Variants in GAD2 observed in about 807,000 individuals in gnomAD.
GAD2 encodes 65 kDa glutamic acid decarboxylase.
A neutral mutation model predicts 80.1 loss-of-function variants in GAD2; 22 were observed. The observed-to-expected ratio is 0.27, with a 90% CI of 0.20 to 0.39. The LOEUF is 0.39. Among genes scored for constraint, GAD2 ranks in the 10% least tolerant of loss-of-function variants. The probability of loss-of-function intolerance (pLI) is 1.00; values close to 1 mark genes in which losing one functional copy is unlikely to be tolerated. For missense variants in GAD2, 624 were observed against 738.4 expected (o/e 0.85, Z 1.80); for synonymous variants, 274 against 256.9 (o/e 1.07, Z -0.64).
intron 8 of GAD2, among the ~76,000 whole-genome samples, chr10:26,260,605 G>A (rs191843135): frequency 6.6e-6 from 1 of 152,300 alleles, no homozygotes; most frequent in Admixed American, 6.5e-5. Context: ...TCCAGCGTGG[G>A]TGCCAGAGCA....
intron 15 of GAD2, among the ~76,000 whole-genome samples, chr10:26,295,144 C>G (rs1340048742): frequency 6.6e-6 from 1 of 152,112 alleles, no homozygotes; most frequent in Non-Finnish European, 1.5e-5. Flanking sequence ...TTAAATATCA[C>G]TCTTCAAATG....
chr10:26,256,500 C>T (rs1420787380), intron 8 of GAD2, among the ~76,000 whole-genome samples: 1 of 152,182 alleles, frequency 6.6e-6, no homozygotes, highest in African/African-American at 2.4e-5. Context: ...TCACACGTGG[C>T]ATTTAGTTGT....
intron 4 of GAD2, among the ~76,000 whole-genome samples, chr10:26,221,250 T>C (rs765388426): frequency 1.3e-5 from 2 of 152,234 alleles, no homozygotes; most frequent in Non-Finnish European, 2.9e-5. Context: ...AAGAGATTAT[T>C]TTATAAAATG....
chr10:26,266,000 G>A (rs144918592), intron 8 of GAD2, among the ~76,000 whole-genome samples: 3 of 152,348 alleles, frequency 2.0e-5, no homozygotes, highest in Admixed American at 2.0e-4. Flanking sequence ...GTGTTCCACA[G>A]TTATTTAAAT....
chr10:26,282,313 G>A (rs1488516045), intron 12 of GAD2, among the ~76,000 whole-genome samples: 1 of 152,132 alleles, frequency 6.6e-6, no homozygotes, highest in African/African-American at 2.4e-5. Context: ...CATTATTTTA[G>A]AAAGTTGAGG....
At chr10:26,256,212 G>A (rs562697695) in intron 8 of GAD2, among the ~76,000 whole-genome samples, 142 of 151,802 alleles carry the variant, frequency 9.4e-4, no homozygotes, top group Non-Finnish European at 1.8e-3. Context: ...GTGTAATATT[G>A]TATGTATTAA....
In GAD2 at chr10:26,302,381, C is replaced by T. The variant is rs571960737; in HGVS notation, c.*1420C>T. On this transcript the variant is annotated 3_prime_UTR_variant, in exon 16 of 16. Transcript: ENST00000376261. ...CCAGAATATGCAGAAATAATAAGAT[C>T]CTTAGAATTCAAAATAGTATTTTTA... is the stretch of plus-strand genomic sequence containing the variant. 5.3e-5 allele frequency: 8 copies of T among 152,118 alleles called. No homozygotes were observed. In the South Asian group the frequency reaches 1.7e-3, roughly 32 times the overall value. 9.4% of individuals were successfully genotyped at this position (152,118 alleles called of 1,614,324 possible).
intron 7 of GAD2, among the ~76,000 whole-genome samples, chr10:26,232,860 T>C (rs911909540): frequency 1.3e-5 from 2 of 152,302 alleles, no homozygotes; most frequent in East Asian, 3.9e-4. Flanking sequence ...CATTTGACTC[T>C]CCCTTCTCCT....
intron 8 of GAD2, among the ~76,000 whole-genome samples, chr10:26,257,600 G>A (rs1844959619): frequency 6.7e-6 from 1 of 150,294 alleles, no homozygotes; most frequent in Non-Finnish European, 1.5e-5. Context: ...TGTAACACAA[G>A]AAATCTGTTA....
intron 11 of GAD2, among the ~76,000 whole-genome samples, chr10:26,280,726 G>A (rs776513232): frequency 1.3e-5 from 2 of 152,058 alleles, no homozygotes; most frequent in African/African-American, 2.4e-5. Flanking sequence ...TGGGAGCATG[G>A]GATGGGGGTG....
chr10:26,263,829 G>A (rs1275114663), intron 8 of GAD2, among the ~76,000 whole-genome samples: 1 of 152,206 alleles, frequency 6.6e-6, no homozygotes, highest in Non-Finnish European at 1.5e-5. Flanking sequence ...GCTGATAGCA[G>A]TAATTGGGGT....
Position 26,273,494 on chromosome 10 carries a change from T to C in GAD2, c.1093-142T>C, listed in dbSNP as rs1362404598. On this transcript the variant is annotated intron_variant, in intron 10 of 15. Transcript: ENST00000376261. Reference sequence around the variant, plus strand: ...CTTAGAAGGGCCCTTCGGTGTAAACTCTGAAGGTTAGTGCCAGAAGGAGGT... The same window carrying C: ...CTTAGAAGGGCCCTTCGGTGTAAACCCTGAAGGTTAGTGCCAGAAGGAGGT... 3 of 705,552 alleles carry C rather than the reference T, an allele frequency of 4.3e-6. No individual in the cohort carries two copies. The East Asian group carries it at 8.1e-5, about 19-fold the overall frequency. The allele number at this position is 705,552 out of a possible 1,614,324, so 43.7% of individuals were successfully genotyped here. A position where few individuals can be genotyped will look rare whatever the true frequency, so the allele number is the denominator to read the frequency against.
intron 7 of GAD2, among the ~76,000 whole-genome samples, chr10:26,245,230 G>C (rs184897282): frequency 2.1e-4 from 31 of 150,782 alleles, no homozygotes; most frequent in African/African-American, 5.9e-4. Flanking sequence ...TTGGGGGTGT[G>C]GGGGGAGGGA....
In GAD2 at chr10:26,285,491, G is replaced by A. The variant is rs8190766; in HGVS notation, c.1237-854G>A. ...AGTGTTTCATGACAAATTGAAACACGGGGTTTTTAGTGAAGAGACTGTCGA... is the reference window on the plus strand; with the variant it reads ...AGTGTTTCATGACAAATTGAAACACAGGGTTTTTAGTGAAGAGACTGTCGA... On this transcript the variant is annotated intron_variant, in intron 12 of 15. Coordinates refer to ENST00000376261, the MANE Select transcript of GAD2 (RefSeq NM_001134366.2). 5.5e-3 allele frequency among the ~76,000 whole-genome samples: 832 copies of A among 152,284 alleles called. 9 individuals carry two copies. Among genetic ancestry groups the A allele is most frequent in the African/African-American group, 0.019 (787 of 41,564 alleles).
intron 13 of GAD2, 108 bp downstream of exon 13, chr10:26,286,602 C>G (rs771433041): frequency 8.6e-6 from 10 of 1,158,020 alleles, no homozygotes; most frequent in African/African-American, 4.8e-5. Context: ...TTTCCTTACC[C>G]AAGATTTGCT....
intron 7 of GAD2, among the ~76,000 whole-genome samples, chr10:26,245,442 A>T (rs1358765035): frequency 1.4e-5 from 2 of 147,696 alleles, no homozygotes; most frequent in African/African-American, 2.5e-5. Flanking sequence ...TTTTACCACA[A>T]TTTTTTTTTT....
chr10:26,272,909 GT>G (rs1166679987), intron 10 of GAD2, among the ~76,000 whole-genome samples: 6 of 152,276 alleles, frequency 3.9e-5, no homozygotes, highest in African/African-American at 1.4e-4. Context: ...ACAACAAAAG[GT>G]GGGGGGAAGT....
chr10:26,255,626 G>GAGGA, intron 8 of GAD2, among the ~76,000 whole-genome samples: 1 of 127,730 alleles, frequency 7.8e-6, no homozygotes, highest in Non-Finnish European at 1.6e-5. Context: ...GGAAGGGAGG[G>GAGGA]AGGAAGGAAG....
chr10:26,228,686 C>A (rs1013604025), intron 6 of GAD2, among the ~76,000 whole-genome samples: 1 of 152,154 alleles, frequency 6.6e-6, no homozygotes, highest in Admixed American at 6.6e-5. Flanking sequence ...GAGCGTGAAC[C>A]CTATTGTGAA....
Sources: allele counts gnomAD v4.1 joint callset (sites outside exome capture counted in the v4.1 genomes callset), GRCh38; gene constraint gnomAD v4.1.1; transcripts MANE v1.5; gene names NCBI Gene and HGNC (gene_info 2026-07-23, HGNC 2026-07-21).